AGAP1: variants seen among roughly 807,000 people sequenced by gnomAD.
AGAP1 encodes the protein arf-GAP with GTPase, ANK repeat and PH domain-containing protein 1.
AGAP1 carries 29 observed loss-of-function variants against 105.3 expected under a neutral mutation model. The ratio of observed to expected loss-of-function variants is 0.28; its 90% CI spans 0.21 to 0.38. AGAP1 has a LOEUF of 0.38. AGAP1 is among the 10% of genes least tolerant of loss of function. The probability of loss-of-function intolerance (pLI) is 1.00; values close to 1 mark genes in which losing one functional copy is unlikely to be tolerated. For missense variants in AGAP1, 998 were observed against 1,165.1 expected, an observed-to-expected ratio of 0.86 and a Z score of 2.09; for synonymous variants, 509 against 485.9, an observed-to-expected ratio of 1.05 and a Z score of -0.63.
intron 13 of AGAP1, among the ~76,000 whole-genome samples, chr2:235,984,234 C>A (rs1363145174): frequency 6.6e-6 from 1 of 152,166 alleles, no homozygotes; most frequent in Non-Finnish European, 1.5e-5. Flanking sequence ...TGTCTGTACA[C>A]CATTCTTTTT....
intron 13 of AGAP1, among the ~76,000 whole-genome samples, chr2:236,024,976 C>T (rs2057006054): frequency 6.6e-6 from 1 of 152,188 alleles, no homozygotes; most frequent in Admixed American, 6.5e-5. Flanking sequence ...GAATGTCACA[C>T]TGGGAAACAG....
intron 11 of AGAP1, among the ~76,000 whole-genome samples, chr2:235,926,183 ACT>A (rs2052436859): frequency 6.6e-6 from 1 of 152,118 alleles, no homozygotes; most frequent in Non-Finnish European, 1.5e-5. Context: ...TACATATTAG[ACT>A]CTGTATGCAT....
rs113503404 is a variant in AGAP1, at chr2:235,932,530, G to A, written c.1483+1607G>A. On this transcript the variant is annotated intron_variant, in intron 12 of 17. Coordinates refer to ENST00000304032, the MANE Select transcript of AGAP1 (RefSeq NM_001037131.3). ...TGTTCTTGCATAGGGCCACGTTTGA[G>A]GGCGTGGGGAGATGCACGCTGGGCC... Among the ~76,000 whole-genome samples, 1,235 of 152,350 alleles carry A rather than the reference G, an allele frequency of 8.1e-3. 20 individuals carry two copies. The highest frequency in any genetic ancestry group is 0.028 in the African/African-American group (1,174 of 41,580).
rs113201313 is a variant in AGAP1 at position 236,040,853 on chromosome 2, C to T, written c.1891+12C>T. Reference sequence around the variant, plus strand: ...CTGCGAGACCCAGAGTAAGTGTGTGCGGTGGTAGCAGGGGCTGGCGCTGTG... The same window carrying T: ...CTGCGAGACCCAGAGTAAGTGTGTGTGGTGGTAGCAGGGGCTGGCGCTGTG... On this transcript the variant is annotated intron_variant, in intron 15 of 17. Transcript: ENST00000304032. The surrounding 1 kb of genome is among the most constrained non-coding windows in gnomAD (Gnocchi z 5.6). 126 of 1,613,912 alleles carry T rather than the reference C, an allele frequency of 7.8e-5. 1 individual carries two copies. The African/African-American group carries it at 1.1e-3, about 15-fold the overall frequency.
At chr2:235,658,355 A>G (rs1947840370) in intron 1 of AGAP1, among the ~76,000 whole-genome samples, 1 of 152,234 alleles carries the variant, frequency 6.6e-6, no homozygotes, top group South Asian at 2.1e-4. Context: ...GTTCAGAGAA[A>G]TAAGCGATTT....
Position 236,120,426 on chromosome 2 carries a change from C to G in AGAP1, c.2349C>G (p.Val783=), listed in dbSNP as rs1404549732. ...LHLACRKGNV[V]LAQLLIWYGV... ...TGGCCTGCCGCAAGGGGAATGTGGT[C>G]CTGGCGCAGCTCCTGATCTGGGTAG... The change falls in exon 17 of 18, where the codon GTC becomes GTG. Residue 783 remains valine, a synonymous_variant. Transcript: ENST00000304032. The surrounding 1 kb of genome is among the most constrained non-coding windows in gnomAD (Gnocchi z 6.0). 1 of 1,611,408 alleles carries G rather than the reference C, an allele frequency of 6.2e-7. No homozygotes were observed.
chr2:235,637,181 G>A (rs1418948931), intron 1 of AGAP1, among the ~76,000 whole-genome samples: 3 of 152,110 alleles, frequency 2.0e-5, no homozygotes, highest in African/African-American at 4.8e-5. Flanking sequence ...GGTGCCACTG[G>A]TCTCAGTTTC....
At position 235,824,504 on chromosome 2, in the gene AGAP1, CAG is replaced by C. The variant is rs1158969109; in HGVS notation, c.1050+17174_1050+17175del. On this transcript the variant is annotated intron_variant, in intron 9 of 17. Coordinates refer to ENST00000304032, the MANE Select transcript of AGAP1 (RefSeq NM_001037131.3). The surrounding 1 kb of genome is among the most constrained non-coding windows in gnomAD (Gnocchi z 5.2). Reference sequence around the variant, plus strand: ...ATACTTGTAAACTCATTTACAGCGTCAGTGTGTGTTAGGACCATCATTGAGAT... The same window carrying C: ...ATACTTGTAAACTCATTTACAGCGTCTGTGTGTTAGGACCATCATTGAGAT... Among the ~76,000 whole-genome samples the C allele has an allele frequency of 6.6e-6, 1 of 152,176 alleles. No individual in the cohort carries two copies. The highest frequency in any genetic ancestry group is 6.5e-5 in the Admixed American group (1 of 15,282).
Position 235,972,916 on chromosome 2 carries a change from C to T in AGAP1, c.1645+4293C>T, listed in dbSNP as rs60386533. Reference sequence around the variant, plus strand: ...GCTTTAGCCTGGCCCAGGGAGCCCTCGCGGCTTCCTGAACAGACCTCAGTG... The same window carrying T: ...GCTTTAGCCTGGCCCAGGGAGCCCTTGCGGCTTCCTGAACAGACCTCAGTG... On this transcript the variant is annotated intron_variant, in intron 13 of 17. Transcript: ENST00000304032. Among the ~76,000 whole-genome samples the T allele has an allele frequency of 8.1e-3, 1,233 of 151,954 alleles. 20 individuals carry two copies. Among genetic ancestry groups the T allele is most frequent in the African/African-American group, 0.028 (1,166 of 41,430 alleles).
chr2:235,761,190 A>G (rs932853954), intron 6 of AGAP1, among the ~76,000 whole-genome samples: 5 of 152,206 alleles, frequency 3.3e-5, no homozygotes, highest in South Asian at 2.1e-4. Context: ...ATTGTTATTT[A>G]GTGATGTTGC....
chr2:235,822,881 A>T (rs1958874417), intron 9 of AGAP1, among the ~76,000 whole-genome samples: 1 of 152,184 alleles, frequency 6.6e-6, no homozygotes, highest in Non-Finnish European at 1.5e-5. Flanking sequence ...GATACCCAGC[A>T]CATCCGAGGG....
At chr2:235,823,260 C>A (rs1404419492) in intron 9 of AGAP1, among the ~76,000 whole-genome samples, 1 of 151,846 alleles carries the variant, frequency 6.6e-6, no homozygotes, top group African/African-American at 2.4e-5. Context: ...TATAGATTAA[C>A]CCTAAGATTT....
chr2:235,823,695 A>AT (rs1300494785), intron 9 of AGAP1, among the ~76,000 whole-genome samples: 21 of 152,310 alleles, frequency 1.4e-4, no homozygotes, highest in Admixed American at 7.8e-4. Context: ...TGACCCAGAT[A>AT]TTTTTATTGT....
At chr2:235,501,981 G>T (rs1941580568) in intron 1 of AGAP1, among the ~76,000 whole-genome samples, 1 of 152,184 alleles carries the variant, frequency 6.6e-6, no homozygotes, top group African/African-American at 2.4e-5. Context: ...AATCTTTGCA[G>T]CATCTGTTAT....
intron 1 of AGAP1, among the ~76,000 whole-genome samples, chr2:235,694,185 A>C (rs1329533218): frequency 6.7e-6 from 1 of 148,674 alleles, no homozygotes; most frequent in Non-Finnish European, 1.5e-5. Flanking sequence ...CTCTACTAAA[A>C]ATACAAAAAT....
rs57515821 is a variant in AGAP1 at position 235,538,427 on chromosome 2, ATG to A, written c.163+43611_163+43612del. 7.5e-3 allele frequency among the ~76,000 whole-genome samples: 1,020 copies of A among 135,350 alleles called. 8 individuals carry two copies. Among genetic ancestry groups the A allele is most frequent in the African/African-American group, 0.021 (736 of 35,768 alleles). 88.8% of individuals were successfully genotyped at this position (135,350 alleles called of 152,430 possible). ...CTCTGGAGGAAGAACCTCAGCCACT[ATG>A]TGTGTGTGTGTGTGTGTGTGTGTGT... On this transcript the variant is annotated intron_variant, in intron 1 of 17. Transcript: ENST00000304032.
chr2:235,615,220 C>T lies in AGAP1; in HGVS notation c.164-93959C>T, dbSNP rs2149261583. Among the ~76,000 whole-genome samples the T allele has an allele frequency of 6.6e-6, 1 of 152,328 alleles. No individual in the cohort carries two copies. The highest frequency in any genetic ancestry group is 2.1e-4 in the South Asian group (1 of 4,824). ...CAGCTTGCACGGTCCAGGGACGTCC[C>T]CACCCTCGGTTGGGTTGTCCAGGGT... is the stretch of plus-strand genomic sequence containing the variant. On this transcript the variant is annotated intron_variant, in intron 1 of 17. Coordinates refer to ENST00000304032, the MANE Select transcript of AGAP1 (RefSeq NM_001037131.3). This position sits in a 1 kb window ranked among gnomAD's most constrained non-coding sequence, Gnocchi z 5.0.
In AGAP1 at chr2:235,614,218, C is replaced by T. The variant is rs147426003; in HGVS notation, c.164-94961C>T. ...AGTCTAGAAGGGATGGTGACATTGG[C>T]CAGAGTCACCCCATAATCATACAGT... On this transcript the variant is annotated intron_variant, in intron 1 of 17. Transcript: ENST00000304032. This position sits in a 1 kb window ranked among gnomAD's most constrained non-coding sequence, Gnocchi z 4.7. 4.4e-3 allele frequency among the ~76,000 whole-genome samples: 669 copies of T among 152,178 alleles called. 2 individuals are homozygous for T. The highest frequency in any genetic ancestry group is 0.016 in the African/African-American group (655 of 41,514).
Position 235,988,121 on chromosome 2 carries a change from A to C in AGAP1, c.1645+19498A>C, listed in dbSNP as rs1840126. On this transcript the variant is annotated intron_variant, in intron 13 of 17. Transcript: ENST00000304032. This position sits in a 1 kb window ranked among gnomAD's most constrained non-coding sequence, Gnocchi z 4.7. ...GTGGTGGCATGATCTCGGCTCACTGAAGCCTCCACCTCCAAAGTTCAAGTG... is the reference window on the plus strand; with the variant it reads ...GTGGTGGCATGATCTCGGCTCACTGCAGCCTCCACCTCCAAAGTTCAAGTG... Among the ~76,000 whole-genome samples, 86,234 of 151,948 alleles carry C rather than the reference A, an allele frequency of 0.57. 24,567 individuals carry two copies. Among genetic ancestry groups the C allele is most frequent in the South Asian group, 0.68 (3,296 of 4,822 alleles).
Sources: gnomAD v4.1 joint callset for allele counts (sites outside exome capture counted in the v4.1 genomes callset) on GRCh38, gnomAD v4.1.1 for gene constraint, Gnocchi (gnomAD v3.1) non-coding constraint, MANE v1.5 for transcripts, NCBI Gene and HGNC (gene_info 2026-07-23, HGNC 2026-07-21) for gene names.